SBNO2: variants seen among roughly 807,000 people sequenced by gnomAD.
SBNO2 encodes strawberry notch homolog 2.
SBNO2 carries 89 observed loss-of-function variants against 146.3 expected under a neutral mutation model. That is an observed-to-expected ratio of 0.61 (90% CI 0.51 to 0.73). The LOEUF (loss-of-function observed/expected upper bound fraction) is 0.73, where lower values mean the gene tolerates loss of function less well. Among genes scored for constraint, SBNO2 ranks in the 30% least tolerant of loss-of-function variants. SBNO2 has a pLI of 0.00. For synonymous variants in SBNO2, 1,147 were observed against 892.6 expected, an observed-to-expected ratio of 1.29 and a Z score of -5.08; for missense variants, 2,092 against 2,003.7, an observed-to-expected ratio of 1.04 and a Z score of -0.84.
Position 1,109,719 on chromosome 19 carries a change from G to T in SBNO2, c.3087C>A (p.Pro1029=). ...YEESQQVFLA[P]GHPQDGQVVF... ...CCACCTGCCCGTCCTGCGGGTGCCC[G>T]GGAGCCAGGAACACCTGCTGGCTCT... Residue 1029 remains proline, a synonymous_variant, in exon 27 of 32, where the codon CCC becomes CCA. Transcript: ENST00000361757. The surrounding 1 kb of genome is among the most constrained non-coding windows in gnomAD (Gnocchi z 4.2). 1 of 1,607,358 alleles carries T rather than the reference G, an allele frequency of 6.2e-7. No individual in the cohort carries two copies.
Position 1,112,212 on chromosome 19 carries a change from C to A in SBNO2, c.2605G>T (p.Val869Leu). 1 of 1,589,378 alleles carries A rather than the reference C, an allele frequency of 6.3e-7. No homozygotes were observed. The highest frequency in any genetic ancestry group is 8.6e-7 in the Non-Finnish European group (1 of 1,168,194). ...LAGERRFASI[V>L]AKRLESLGAL... ...ACCAGACTCTCCAGGCGCTTGGCCACGATGGAGGCGAACCGGCGCTCCCCG... is the reference window on the plus strand; with the variant it reads ...ACCAGACTCTCCAGGCGCTTGGCCAAGATGGAGGCGAACCGGCGCTCCCCG... The change falls in exon 22 of 32, where the codon GTG becomes TTG. Residue 869 changes from valine (V) to leucine (L), a missense_variant. Coordinates refer to ENST00000361757, the MANE Select transcript of SBNO2 (RefSeq NM_014963.3). This position sits in a 1 kb window ranked among gnomAD's most constrained non-coding sequence, Gnocchi z 5.9.
At chr19:1,149,347 C>T (rs199741886) in intron 3 of SBNO2, 22 bp downstream of exon 3, 12 of 1,547,812 alleles carry the variant, frequency 7.8e-6, no homozygotes, top group South Asian at 2.4e-5. Flanking sequence ...GGGGGCCAGG[C>T]GGGGAGGGTC....
chr19:1,125,409 G>A (rs914905929), intron 5 of SBNO2, among the ~76,000 whole-genome samples: 6 of 147,318 alleles, frequency 4.1e-5, no homozygotes, highest in Non-Finnish European at 8.9e-5. Context: ...GGTGGCTCAC[G>A]CCTGTAATCC....
intron 4 of SBNO2, among the ~76,000 whole-genome samples, chr19:1,145,960 CG>C (rs2080185925): frequency 6.6e-6 from 1 of 152,154 alleles, no homozygotes; most frequent in Admixed American, 6.5e-5. Flanking sequence ...TCCCAGGGCC[CG>C]GGAGTCTGAG....
chr19:1,128,088 T>C (rs1252809343), intron 4 of SBNO2: 2 of 516,890 alleles, frequency 3.9e-6, no homozygotes, highest in Non-Finnish European at 7.3e-6. Flanking sequence ...AGTGTTGGGA[T>C]TACAGGCGTG....
intron 18 of SBNO2, 97 bp downstream of exon 18, chr19:1,114,134 G>A: frequency 8.6e-7 from 1 of 1,163,256 alleles, no homozygotes; most frequent in South Asian, 1.8e-5. Flanking sequence ...AGGAGGCCGG[G>A]GGAGCCTCAG....
Position 1,158,141 on chromosome 19 carries a change from G to A in SBNO2, c.-126-3739C>T, listed in dbSNP as rs1240599546. Reference sequence around the variant, plus strand: ...TGGACGCCCCAGGGTCTCACCCCACGCTGTGCAGCAACAGCTCAGCCTCCT... The same window carrying A: ...TGGACGCCCCAGGGTCTCACCCCACACTGTGCAGCAACAGCTCAGCCTCCT... On this transcript the variant is annotated intron_variant, in intron 1 of 31. Coordinates refer to ENST00000361757, the MANE Select transcript of SBNO2 (RefSeq NM_014963.3). The surrounding 1 kb of genome is among the most constrained non-coding windows in gnomAD (Gnocchi z 9.9). 2.0e-5 allele frequency among the ~76,000 whole-genome samples: 3 copies of A among 152,188 alleles called. No individual in the cohort carries two copies. In the East Asian group the frequency reaches 5.8e-4, roughly 29 times the overall value.
intron 1 of SBNO2, chr19:1,169,092 G>C (rs1169863534): frequency 6.6e-6 from 1 of 152,288 alleles, no homozygotes; most frequent in South Asian, 2.1e-4. Context: ...GCACGGGCAC[G>C]AGTCACAAAG....
At chr19:1,133,720 G>A (rs2080057964) in intron 4 of SBNO2, among the ~76,000 whole-genome samples, 3 of 151,862 alleles carry the variant, frequency 2.0e-5, no homozygotes, top group East Asian at 1.9e-4. Context: ...CACAGCCACC[G>A]CTCAACCTAG....
chr19:1,145,865 C>T (rs906641003), intron 4 of SBNO2, among the ~76,000 whole-genome samples: 2 of 152,108 alleles, frequency 1.3e-5, no homozygotes, highest in African/African-American at 4.8e-5. Flanking sequence ...TGAGCAGGGG[C>T]GCCCCCCTCC....
chr19:1,168,275 C>G lies in SBNO2; in HGVS notation c.-127+5897G>C, dbSNP rs544005128. ...GGGGGCTCGCAGCTCCCCCAAGCTC[C>G]TGGCGGGTAGCAGTCATTCCAGGAT... On this transcript the variant is annotated intron_variant, in intron 1 of 31. Coordinates refer to ENST00000361757, the MANE Select transcript of SBNO2 (RefSeq NM_014963.3). Among the ~76,000 whole-genome samples the G allele has an allele frequency of 5.6e-4, 85 of 152,186 alleles. 2 individuals are homozygous for G. The South Asian group carries it at 0.017, about 30-fold the overall frequency.
chr19:1,149,831 G>A (rs775249811), intron 2 of SBNO2, among the ~76,000 whole-genome samples: 8 of 152,188 alleles, frequency 5.3e-5, no homozygotes, highest in African/African-American at 1.9e-4. Context: ...GGATCGGACC[G>A]TTTGCGTGAG....
chr19:1,108,788 T>A lies in SBNO2; in HGVS notation c.3607A>T (p.Lys1203Ter). The change falls in exon 31 of 32, where the codon AAG (lysine) becomes TAG (stop). Residue 1203 changes from lysine to a stop codon, truncating the protein, a stop_gained. Coordinates refer to ENST00000361757, the MANE Select transcript of SBNO2 (RefSeq NM_014963.3). LOFTEE classifies it low-confidence loss of function (END_TRUNC). ...CCCGCCGCCCACTCACCCACTTGCTTCTTCCTGTCCTTGGTCTTCAGCCGC... is the reference window on the plus strand; with the variant it reads ...CCCGCCGCCCACTCACCCACTTGCTACTTCCTGTCCTTGGTCTTCAGCCGC... ...IVRLKTKDRK[K>*]QVGIKIPEGC... The A allele has an allele frequency of 6.2e-7, 1 of 1,602,820 alleles. No homozygotes were observed. Among genetic ancestry groups the A allele is most frequent in the Non-Finnish European group, 8.5e-7 (1 of 1,178,866 alleles).
At chr19:1,117,234 G>C (rs774760034) in intron 15 of SBNO2, 89 bp downstream of exon 15, 1 of 1,340,742 alleles carries the variant, frequency 7.5e-7, no homozygotes, top group Non-Finnish European at 1.0e-6. Flanking sequence ...CCCACGTCTG[G>C]GGAGGGGCCA....
intron 23 of SBNO2, among the ~76,000 whole-genome samples, 160 bp from the exon 24 acceptor site, chr19:1,111,774 C>A (rs891247141): frequency 6.6e-6 from 1 of 150,946 alleles, no homozygotes; most frequent in East Asian, 2.0e-4. Context: ...ACCTCCTCCC[C>A]GGGGGTCCTA....
At chr19:1,122,606 C>T (rs918449753) in intron 9 of SBNO2, 48 bp from the exon 10 acceptor site, 91 of 1,463,130 alleles carry the variant, frequency 6.2e-5, no homozygotes, top group Admixed American at 2.2e-4. Context: ...CCTCGCCCCC[C>T]GCTTCCGCCC....
rs2080497162 is a variant in SBNO2 at position 1,173,080 on chromosome 19, G to A, written c.-127+1092C>T. Among the ~76,000 whole-genome samples, 1 of 151,726 alleles carries A rather than the reference G, an allele frequency of 6.6e-6. No homozygotes were observed. The highest frequency in any genetic ancestry group is 6.6e-5 in the Admixed American group (1 of 15,258). On this transcript the variant is annotated intron_variant, in intron 1 of 31. Coordinates refer to ENST00000361757, the MANE Select transcript of SBNO2 (RefSeq NM_014963.3). The surrounding 1 kb of genome is among the most constrained non-coding windows in gnomAD (Gnocchi z 4.7). The stretch of plus-strand genomic sequence containing the variant: ...CCCTGCCCCAGCACCATCCGTGCCC[G>A]GCGTCCCTGGAGGCGCTGGGTGGGC...
At chr19:1,161,120 C>T (rs1232529860) in intron 1 of SBNO2, among the ~76,000 whole-genome samples, 2 of 48,078 alleles carry the variant, frequency 4.2e-5, no homozygotes, top group African/African-American at 9.6e-5. Flanking sequence ...GGTGCCTGAG[C>T]ACTGGAGATG....
In SBNO2 at chr19:1,126,084, C is replaced by T. The variant is rs947244692; in HGVS notation, c.441+1520G>A. ...AACGTCCTGAGACGGGTGAGGTTTC[C>T]GCCCAAGCCTGCCTGAGCCCGGGCC... On this transcript the variant is annotated intron_variant, in intron 5 of 31. Transcript: ENST00000361757. This position sits in a 1 kb window ranked among gnomAD's most constrained non-coding sequence, Gnocchi z 4.4. Among the ~76,000 whole-genome samples the T allele has an allele frequency of 3.9e-5, 6 of 152,186 alleles. No homozygotes were observed. The highest frequency in any genetic ancestry group is 7.3e-5 in the Non-Finnish European group (5 of 68,034).
Sources: gnomAD v4.1 joint callset for allele counts (sites outside exome capture counted in the v4.1 genomes callset) on GRCh38, gnomAD v4.1.1 for gene constraint, Gnocchi (gnomAD v3.1) non-coding constraint, MANE v1.5 for transcripts, NCBI Gene and HGNC (gene_info 2026-07-23, HGNC 2026-07-21) for gene names.